C1orf50: variants seen among roughly 807,000 people sequenced by gnomAD.
The protein encoded by C1orf50 is chromosome 1 open reading frame 50.
In C1orf50, 22 loss-of-function variants were observed where a neutral mutation model predicts 23.3. The ratio of observed to expected loss-of-function variants is 0.94; its 90% CI spans 0.67 to 1.35. The LOEUF is 1.35. Ranked by LOEUF, C1orf50 falls within the 40% of genes most tolerant of loss-of-function variation. The probability of loss-of-function intolerance (pLI) is 0.00; values close to 1 mark genes in which losing one functional copy is unlikely to be tolerated. For synonymous variants in C1orf50, 96 were observed against 102.4 expected (o/e 0.94, Z 0.38); for missense variants, 271 against 249.4 (o/e 1.09, Z -0.58).
chr1:42,770,435 CTT>C (rs751331051), intron 2 of C1orf50, among the ~76,000 whole-genome samples: 19 of 142,118 alleles, frequency 1.3e-4, no homozygotes, highest in Admixed American at 2.1e-4. Flanking sequence ...TTCTTTCTTT[CTT>C]TTTTTTTTTT....
chr1:42,774,145 T>G (rs1653283063), intron 3 of C1orf50, among the ~76,000 whole-genome samples: 1 of 152,206 alleles, frequency 6.6e-6, no homozygotes. Context: ...GATTATGTTT[T>G]CATTTATAAA....
chr1:42,771,291 C>T (rs1343232155), intron 2 of C1orf50, among the ~76,000 whole-genome samples: 1 of 152,094 alleles, frequency 6.6e-6, no homozygotes, highest in Non-Finnish European at 1.5e-5. Context: ...ACTTGTGTTA[C>T]GTTGTTAGTG....
rs1024603873 is a variant in C1orf50, at chr1:42,769,243, T to TA, written c.195+1628dup. On this transcript the variant is annotated intron_variant, in intron 2 of 4. Transcript: ENST00000372525. Reference sequence around the variant, plus strand: ...AGAATTGGTGACAGAGTGAGACTCTTAAAAAAAAACAAAAAAATGAGGCTG... The same window carrying TA: ...AGAATTGGTGACAGAGTGAGACTCTTAAAAAAAAAACAAAAAAATGAGGCTG... 1.8e-4 allele frequency among the ~76,000 whole-genome samples: 26 copies of TA among 147,370 alleles called. 1 individual carries two copies. The highest frequency in any genetic ancestry group is 6.1e-4 in the Admixed American group (9 of 14,684).
At chr1:42,767,440 C>T in intron 1 of C1orf50, 50 bp downstream of exon 1, 1 of 1,552,904 alleles carries the variant, frequency 6.4e-7, no homozygotes, top group Non-Finnish European at 8.7e-7. Flanking sequence ...GCGAGGCAGC[C>T]GGTCTCGGGG....
In C1orf50 at chr1:42,775,533, T is replaced by C; in HGVS notation, c.*139T>C. On this transcript the variant is annotated 3_prime_UTR_variant, in exon 5 of 5. Transcript: ENST00000372525. ...AGACCCTGTGTGAATGTAAATGCTG[T>C]CATTATGACTTTTAATTGGGATGGG... The C allele has an allele frequency of 1.5e-6, 1 of 672,794 alleles. No individual in the cohort carries two copies. The highest frequency in any genetic ancestry group is 2.6e-5 in the South Asian group (1 of 38,732). The allele number at this position is 672,794 out of a possible 1,614,324, so 41.7% of individuals were successfully genotyped here. A position where few individuals can be genotyped will look rare whatever the true frequency, so the allele number is the denominator to read the frequency against.
rs1653391176 is a variant in C1orf50 at position 42,778,974 on chromosome 1, T to TA, written c.*3580_*3581insA. The TA allele has an allele frequency of 3.2e-5, 2 of 61,626 alleles. No individual in the cohort carries two copies. The highest frequency in any genetic ancestry group is 6.4e-5 in the Non-Finnish European group (2 of 31,122). 3.8% of individuals were successfully genotyped at this position (61,626 alleles called of 1,614,324 possible). On this transcript the variant is annotated 3_prime_UTR_variant, in exon 5 of 5. Transcript: ENST00000372525. ...TATTTCACCAATTACAAGGTGTACT[T>TA]CCCCCCCCCCCCCCCCCACATTTTG...
chr1:42,767,396 C>T lies in C1orf50; in HGVS notation c.79+6C>T, dbSNP rs1241064051. ...GCCAGCTGCAGGCCAGGGAGGTATG[C>T]GGGGCGGGAGTCAGCAGGGGGAAGT... On this transcript the variant is annotated splice_donor_region_variant and intron_variant, in intron 1 of 4. Coordinates refer to ENST00000372525, the MANE Select transcript of C1orf50 (RefSeq NM_024097.4). 5 of 1,554,916 alleles carry T rather than the reference C, an allele frequency of 3.2e-6. No individual in the cohort carries two copies. Among genetic ancestry groups the T allele is most frequent in the Middle Eastern group, 1.8e-4 (1 of 5,408 alleles).
rs993785915 is a variant in C1orf50 at position 42,776,975 on chromosome 1, A to G, written c.*1581A>G. 9.8e-5 allele frequency: 15 copies of G among 152,378 alleles called. No individual in the cohort carries two copies. Among genetic ancestry groups the G allele is most frequent in the Admixed American group, 9.8e-4 (15 of 15,306 alleles). The allele number at this position is 152,378 out of a possible 1,614,324, so 9.4% of individuals were successfully genotyped here. A position where few individuals can be genotyped will look rare whatever the true frequency, so the allele number is the denominator to read the frequency against. On this transcript the variant is annotated 3_prime_UTR_variant, in exon 5 of 5. Transcript: ENST00000372525. ...CATTTCATTGAGTCCTCTGCTTCACAGTTTCTCTGAAACCCTGGAAGGCTG... is the reference window on the plus strand; with the variant it reads ...CATTTCATTGAGTCCTCTGCTTCACGGTTTCTCTGAAACCCTGGAAGGCTG...
At chr1:42,768,601 A>G (rs2124183690) in intron 2 of C1orf50, among the ~76,000 whole-genome samples, 1 of 152,192 alleles carries the variant, frequency 6.6e-6, no homozygotes, top group Admixed American at 6.5e-5. Flanking sequence ...ATACGCAGAA[A>G]GCTCCTTTAA....
At position 42,774,869 on chromosome 1, in the gene C1orf50, G is replaced by T. The variant is rs1294103987; in HGVS notation, c.414+1G>T. 5 of 1,608,990 alleles carry T rather than the reference G, an allele frequency of 3.1e-6. No individual in the cohort carries two copies. The highest frequency in any genetic ancestry group is 1.6e-4 in the Middle Eastern group (1 of 6,082). ...GTATTTTTCCATCATTTCTCCAAAG[G>T]TAAGAACATACATTGTTTGCCCAAA... On this transcript the variant is annotated splice_donor_variant, in intron 4 of 4. Coordinates refer to ENST00000372525, the MANE Select transcript of C1orf50 (RefSeq NM_024097.4). LOFTEE classifies it high-confidence loss of function.
chr1:42,775,019 T>C (rs1653306194), intron 4 of C1orf50, 151 bp downstream of exon 4: 1 of 1,101,808 alleles, frequency 9.1e-7, no homozygotes, highest in Non-Finnish European at 1.3e-6. Context: ...AAAATATACC[T>C]GTGCTTAAAT....
chr1:42,767,603 G>A lies in C1orf50; in HGVS notation c.174G>A (p.Ala58=), dbSNP rs750405035. Residue 58 remains alanine, a synonymous_variant, in exon 2 of 5, where the codon GCG becomes GCA. Coordinates refer to ENST00000372525, the MANE Select transcript of C1orf50 (RefSeq NM_024097.4). ...HRAGDPLDLV[A]LAEQVQKADE... ...CCGGGGACCCCTTAGACCTCGTGGC[G>A]CTCGCAGAGCAGGTGCAGAAGGTGA... 1.2e-6 allele frequency: 2 copies of A among 1,611,748 alleles called. No homozygotes were observed. The highest frequency in any genetic ancestry group is 4.5e-5 in the East Asian group (2 of 44,846).
rs11308713 is a variant in C1orf50 at position 42,779,376 on chromosome 1, C to CAAA, written c.*3996_*3998dup. On this transcript the variant is annotated 3_prime_UTR_variant, in exon 5 of 5. Coordinates refer to ENST00000372525, the MANE Select transcript of C1orf50 (RefSeq NM_024097.4). ...TGGGCAACAGAGCAAGACTCCATCTCAAAAAAAAAAAAAAAAGAATCATAA... is the reference window on the plus strand; with the variant it reads ...TGGGCAACAGAGCAAGACTCCATCTCAAAAAAAAAAAAAAAAAAAGAATCATAA... 2 of 127,022 alleles carry CAAA rather than the reference C, an allele frequency of 1.6e-5. No homozygotes were observed. The highest frequency in any genetic ancestry group is 1.6e-4 in the Admixed American group (2 of 12,766). 7.9% of individuals were successfully genotyped at this position (127,022 alleles called of 1,614,324 possible).
Position 42,774,793 on chromosome 1 carries a change from G to A in C1orf50, c.339G>A (p.Val113=), listed in dbSNP as rs1653299852. The A allele has an allele frequency of 6.2e-7, 1 of 1,613,682 alleles. No individual in the cohort carries two copies. Among genetic ancestry groups the A allele is most frequent in the African/African-American group, 1.3e-5 (1 of 74,898 alleles). The change falls in exon 4 of 5, where the codon GTG becomes GTA. Residue 113 remains valine (V), a synonymous_variant. Coordinates refer to ENST00000372525, the MANE Select transcript of C1orf50 (RefSeq NM_024097.4). Reference sequence around the variant, plus strand: ...TGCACCATGTAGCTTGTAATATAGTGAAAAAACCTGGCAACATTTACTATC... The same window carrying A: ...TGCACCATGTAGCTTGTAATATAGTAAAAAAACCTGGCAACATTTACTATC... ...ANLHHVACNI[V]KKPGNIYYLY...
rs530637675 is a variant in C1orf50, at chr1:42,778,051, G to C, written c.*2657G>C. ...GTACTCCCTGCACTGACCACCAAGG[G>C]GTGTCATTGCTCTTTCCTGGTTAAG... On this transcript the variant is annotated 3_prime_UTR_variant, in exon 5 of 5. Coordinates refer to ENST00000372525, the MANE Select transcript of C1orf50 (RefSeq NM_024097.4). 6.6e-6 allele frequency: 1 copy of C among 152,094 alleles called. No homozygotes were observed. Among genetic ancestry groups the C allele is most frequent in the South Asian group, 2.1e-4 (1 of 4,816 alleles). 9.4% of individuals were successfully genotyped at this position (152,094 alleles called of 1,614,324 possible). A position where few individuals can be genotyped will look rare whatever the true frequency, so the allele number is the denominator to read the frequency against.
At chr1:42,771,172 T>C (rs1213834827) in intron 2 of C1orf50, among the ~76,000 whole-genome samples, 3 of 152,220 alleles carry the variant, frequency 2.0e-5, no homozygotes, top group Non-Finnish European at 4.4e-5. Context: ...TAACAGTGCA[T>C]TGTTATGAGT....
chr1:42,767,428 C>T (rs1178638984), intron 1 of C1orf50, 38 bp downstream of exon 1: 3 of 1,553,476 alleles, frequency 1.9e-6, no homozygotes, highest in African/African-American at 1.4e-5. Context: ...AAGTCAGCTC[C>T]CGCGAGGCAG....
chr1:42,767,382 G>GC lies in C1orf50; in HGVS notation c.73dup (p.Gln25ProfsTer43). On this transcript the variant is annotated frameshift_variant, in exon 1 of 5. Transcript: ENST00000372525. LOFTEE classifies it high-confidence loss of function. ...AGGCAAGGAGCGCCGCCAGCTGCAGGCCAGGGAGGTATGCGGGGCGGGAGT... is the reference window on the plus strand; with the variant it reads ...AGGCAAGGAGCGCCGCCAGCTGCAGGCCCAGGGAGGTATGCGGGGCGGGAGT... 1 of 1,555,388 alleles carries GC rather than the reference G, an allele frequency of 6.4e-7. No individual in the cohort carries two copies. The highest frequency in any genetic ancestry group is 8.7e-7 in the Non-Finnish European group (1 of 1,152,132).
intron 3 of C1orf50, 31 bp from the exon 4 acceptor site, chr1:42,774,706 A>G: frequency 6.3e-7 from 1 of 1,583,052 alleles, no homozygotes; most frequent in Non-Finnish European, 8.6e-7. Context: ...TATCTCCAAT[A>G]CCTAATTTGT....
Sources: allele counts gnomAD v4.1 joint callset (sites outside exome capture counted in the v4.1 genomes callset), GRCh38; gene constraint gnomAD v4.1.1; transcripts MANE v1.5; gene names NCBI Gene and HGNC (gene_info 2026-07-23, HGNC 2026-07-21).